ELAVL2: variants seen among roughly 807,000 people sequenced by gnomAD.
ELAVL2 encodes the protein ELAV-like protein 2.
ELAVL2 carries 4 observed loss-of-function variants against 34.6 expected under a neutral mutation model. The ratio of observed to expected loss-of-function variants is 0.12; its 90% CI spans 0.06 to 0.26. ELAVL2 has a LOEUF of 0.26. Among genes scored for constraint, ELAVL2 ranks in the 10% least tolerant of loss-of-function variants. The pLI is 1.00. For missense variants in ELAVL2, 432 were observed against 442.8 expected, an observed-to-expected ratio of 0.98 and a Z score of 0.22; for synonymous variants, 193 against 154.8, an observed-to-expected ratio of 1.25 and a Z score of -1.83.
chr9:23,774,629 T>C (rs1002073890), intron 1 of ELAVL2, among the ~76,000 whole-genome samples: 4 of 152,028 alleles, frequency 2.6e-5, no homozygotes, highest in Admixed American at 2.0e-4. Context: ...ATTTACCTTA[T>C]TTTTAAAAGT....
chr9:23,747,752 G>T (rs1157430714), intron 2 of ELAVL2, among the ~76,000 whole-genome samples: 4 of 152,140 alleles, frequency 2.6e-5, no homozygotes. Context: ...ACCCAGGGGA[G>T]GCTTTCTGTT....
intron 1 of ELAVL2, among the ~76,000 whole-genome samples, chr9:23,818,458 A>T (rs567626913): frequency 4.1e-4 from 62 of 152,228 alleles, no homozygotes; most frequent in African/African-American, 1.4e-3. Flanking sequence ...ATAACTAAGT[A>T]CTCACGCCAA....
intron 1 of ELAVL2, among the ~76,000 whole-genome samples, chr9:23,765,896 T>C (rs1047616042): frequency 3.3e-5 from 5 of 152,160 alleles, no homozygotes; most frequent in African/African-American, 1.2e-4. Context: ...AGGCCTCCAA[T>C]ATAGTTAATG....
At chr9:23,818,198 T>G (rs762842568) in intron 1 of ELAVL2, among the ~76,000 whole-genome samples, 4 of 152,174 alleles carry the variant, frequency 2.6e-5, no homozygotes, top group Non-Finnish European at 5.9e-5. Context: ...CATAGTGAAT[T>G]TGATAGTCAG....
At chr9:23,795,628 A>G (rs954424446) in intron 1 of ELAVL2, among the ~76,000 whole-genome samples, 3 of 152,198 alleles carry the variant, frequency 2.0e-5, no homozygotes, top group Admixed American at 2.0e-4. Flanking sequence ...TGATATATAA[A>G]ATGTCTCAAA....
At chr9:23,706,635 A>T (rs905380349) in intron 3 of ELAVL2, among the ~76,000 whole-genome samples, 1 of 152,222 alleles carries the variant, frequency 6.6e-6, no homozygotes, top group Non-Finnish European at 1.5e-5. Flanking sequence ...TCCTCAGATT[A>T]TTACTAAAAA....
intron 3 of ELAVL2, 107 bp from the exon 4 acceptor site, chr9:23,705,178 C>G (rs997520617): frequency 1.5e-6 from 2 of 1,314,090 alleles, no homozygotes; most frequent in African/African-American, 1.5e-5. Context: ...GCATAGAACA[C>G]TGAAGTTCAA....
Position 23,708,468 on chromosome 9 carries a change from T to A in ELAVL2, c.334-3397A>T, listed in dbSNP as rs149597156. On this transcript the variant is annotated intron_variant, in intron 3 of 6. Transcript: ENST00000397312. ...AAACTCTGATCTTTCTCTTTCTGTG[T>A]CCTGGTCTCCTCATCCAGTTTTCCT... Among the ~76,000 whole-genome samples the A allele has an allele frequency of 8.9e-3, 1,356 of 152,302 alleles. 10 individuals carry two copies. Among genetic ancestry groups the A allele is most frequent in the Non-Finnish European group, 0.014 (945 of 68,024 alleles).
intron 4 of ELAVL2, among the ~76,000 whole-genome samples, chr9:23,704,602 T>A (rs1340554815): frequency 6.6e-6 from 1 of 152,164 alleles, no homozygotes; most frequent in Non-Finnish European, 1.5e-5. Context: ...TAGTACTCTA[T>A]AAGCAGGATG....
intron 2 of ELAVL2, among the ~76,000 whole-genome samples, chr9:23,731,571 C>T (rs1190268042): frequency 6.6e-6 from 1 of 152,150 alleles, no homozygotes; most frequent in Non-Finnish European, 1.5e-5. Context: ...TGTACCCTGA[C>T]ATATTTACAG....
chr9:23,792,991 G>A (rs192919857), intron 1 of ELAVL2, among the ~76,000 whole-genome samples: 1 of 152,072 alleles, frequency 6.6e-6, no homozygotes, highest in East Asian at 1.9e-4. Context: ...TGTTGAGACT[G>A]GTCTTGAACT....
chr9:23,827,526 C>T (rs919310767), upstream of ELAVL2, among the ~76,000 whole-genome samples: 3 of 151,562 alleles, frequency 2.0e-5, no homozygotes, highest in African/African-American at 4.8e-5. Flanking sequence ...TTTTACCATT[C>T]TTACCAGAAT....
chr9:23,796,294 C>T (rs76074115), intron 1 of ELAVL2, among the ~76,000 whole-genome samples: 1 of 152,300 alleles, frequency 6.6e-6, no homozygotes, highest in Non-Finnish European at 1.5e-5. Flanking sequence ...AAAGCTCTTA[C>T]TTCTAATAAC....
Position 23,741,780 on chromosome 9 carries a change from C to A in ELAVL2, c.230-10655G>T, listed in dbSNP as rs938954413. Among the ~76,000 whole-genome samples the A allele has an allele frequency of 1.4e-3, 95 of 68,664 alleles. 1 individual carries two copies. The highest frequency in any genetic ancestry group is 6.6e-3 in the African/African-American group (91 of 13,764). 45.0% of individuals were successfully genotyped at this position (68,664 alleles called of 152,430 possible). A position where few individuals can be genotyped will look rare whatever the true frequency, so the allele number is the denominator to read the frequency against. On this transcript the variant is annotated intron_variant, in intron 2 of 6. Transcript: ENST00000397312. ...ACTTCTGCACGTCTCCCATACCTTT[C>A]TCCCTTTGAAAGCCCTACGGTAAAT...
rs556406200 is a variant in ELAVL2 at position 23,780,416 on chromosome 9, T to G, written c.-15-18167A>C. 3.3e-5 allele frequency among the ~76,000 whole-genome samples: 5 copies of G among 152,336 alleles called. No individual in the cohort carries two copies. The East Asian group carries it at 9.6e-4, about 29-fold the overall frequency. ...AGATAAATTTCCAACTTAATAAACT[T>G]GGAAAATGGCTTTTTAAGCATATTT... On this transcript the variant is annotated intron_variant, in intron 1 of 6. Transcript: ENST00000397312.
At chr9:23,790,872 C>T (rs998610684) in intron 1 of ELAVL2, among the ~76,000 whole-genome samples, 1 of 152,156 alleles carries the variant, frequency 6.6e-6, no homozygotes, top group Admixed American at 6.5e-5. Flanking sequence ...ACACAAACAT[C>T]GCAGGTCTCC....
intron 2 of ELAVL2, among the ~76,000 whole-genome samples, chr9:23,731,652 GTTTA>G (rs2046584459): frequency 6.6e-6 from 1 of 152,118 alleles, no homozygotes; most frequent in Non-Finnish European, 1.5e-5. Context: ...ATACATGTAA[GTTTA>G]TTTTAGACGA....
At chr9:23,718,907 G>C (rs1230465433) in intron 3 of ELAVL2, among the ~76,000 whole-genome samples, 2 of 152,144 alleles carry the variant, frequency 1.3e-5, no homozygotes, top group Non-Finnish European at 2.9e-5. Context: ...AGACACCTGA[G>C]CTGTATATTC....
intron 5 of ELAVL2, among the ~76,000 whole-genome samples, chr9:23,696,324 A>T (rs2035197843): frequency 6.6e-6 from 1 of 151,866 alleles, no homozygotes; most frequent in Admixed American, 6.6e-5. Context: ...GGCACCATTC[A>T]CTCCAAATCC....
Sources: gnomAD v4.1 joint callset for allele counts (sites outside exome capture counted in the v4.1 genomes callset) on GRCh38, gnomAD v4.1.1 for gene constraint, MANE v1.5 for transcripts, NCBI Gene and HGNC (gene_info 2026-07-23, HGNC 2026-07-21) for gene names.